The following PPARGC1A variants were observed in gnomAD, a reference collection of about 807,000 sequenced individuals.
PPARGC1A encodes peroxisome proliferator-activated receptor gamma coactivator 1-alpha.
PPARGC1A carries 25 observed loss-of-function variants against 88.7 expected under a neutral mutation model. The observed-to-expected ratio is 0.28, with a 90% CI of 0.21 to 0.39. The LOEUF (loss-of-function observed/expected upper bound fraction) is 0.39. PPARGC1A is among the 10% of genes least tolerant of loss of function. PPARGC1A has a pLI of 1.00. For synonymous variants in PPARGC1A, 363 were observed against 355.6 expected (o/e 1.02, Z -0.24); for missense variants, 880 against 968.7 (o/e 0.91, Z 1.22).
At chr4:24,281,812 G>T in the PPARGC1A span, among the ~76,000 whole-genome samples, 1 of 150,258 alleles carries the variant, frequency 6.7e-6, no homozygotes, top group Non-Finnish European at 1.5e-5. Context: ...ACATAATAAT[G>T]GCTAACATTG....
intron 2 of PPARGC1A, among the ~76,000 whole-genome samples, chr4:23,873,781 C>G (rs1465734675): frequency 6.6e-6 from 1 of 151,498 alleles, no homozygotes; most frequent in Admixed American, 6.6e-5. Flanking sequence ...CACTGATTTG[C>G]ACTACAAGAA....
chr4:23,827,709 T>A lies in PPARGC1A; in HGVS notation c.757+691A>T, dbSNP rs1359713094. ...ATAAAAATCAACCCAGATGTTTAGT[T>A]TAATCTAGGCACTTTCTTAAATAGA... On this transcript the variant is annotated intron_variant, in intron 5 of 12. Transcript: ENST00000264867. Among the ~76,000 whole-genome samples the A allele has an allele frequency of 2.0e-5, 3 of 152,278 alleles. No homozygotes were observed. In the East Asian group the frequency reaches 5.8e-4, roughly 29 times the overall value.
the PPARGC1A span, among the ~76,000 whole-genome samples, chr4:24,069,765 G>A: frequency 1.3e-5 from 2 of 152,214 alleles, no homozygotes; most frequent in Non-Finnish European, 2.9e-5. Flanking sequence ...GAGGGAGGAG[G>A]AATTTGTATG....
At chr4:23,936,595 G>C in the PPARGC1A span, among the ~76,000 whole-genome samples, 1 of 152,170 alleles carries the variant, frequency 6.6e-6, no homozygotes, top group South Asian at 2.1e-4. Context: ...AATTCAGCCA[G>C]GCATGGTGGC....
At chr4:24,057,841 G>A in the PPARGC1A span, among the ~76,000 whole-genome samples, 1 of 152,224 alleles carries the variant, frequency 6.6e-6, no homozygotes, top group African/African-American at 2.4e-5. Flanking sequence ...CAGCACTCAG[G>A]GAATTGCTCC....
At chr4:23,942,074 G>A in the PPARGC1A span, among the ~76,000 whole-genome samples, 130 of 150,884 alleles carry the variant, frequency 8.6e-4, no homozygotes, top group African/African-American at 3.1e-3. Flanking sequence ...AAAGATAGTG[G>A]GAAAAAAAAA....
chr4:24,373,956 G>A, the PPARGC1A span, among the ~76,000 whole-genome samples: 2 of 152,158 alleles, frequency 1.3e-5, no homozygotes, highest in Non-Finnish European at 2.9e-5. Flanking sequence ...CTAGCACTGA[G>A]CACAGACACA....
the PPARGC1A span, among the ~76,000 whole-genome samples, chr4:24,306,694 T>C: frequency 9.4e-4 from 143 of 152,328 alleles, no homozygotes; most frequent in African/African-American, 3.1e-3. Context: ...CAAATGACCA[T>C]GGCAGCATGG....
At chr4:24,015,264 T>A in the PPARGC1A span, among the ~76,000 whole-genome samples, 3 of 152,174 alleles carry the variant, frequency 2.0e-5, no homozygotes, top group South Asian at 6.2e-4. Context: ...TAGGTATAGA[T>A]GAGATAGAGA....
chr4:24,001,064 A>T, the PPARGC1A span, among the ~76,000 whole-genome samples: 1 of 152,336 alleles, frequency 6.6e-6, no homozygotes, highest in East Asian at 1.9e-4. Context: ...TCAATACTTT[A>T]AAAAATGGCA....
At chr4:24,188,641 A>C in the PPARGC1A span, among the ~76,000 whole-genome samples, 1 of 152,128 alleles carries the variant, frequency 6.6e-6, no homozygotes, top group Non-Finnish European at 1.5e-5. Context: ...AGAAACTGAA[A>C]ATAACAAGTG....
the PPARGC1A span, among the ~76,000 whole-genome samples, chr4:24,081,467 G>C: frequency 6.6e-6 from 1 of 152,082 alleles, no homozygotes; most frequent in Non-Finnish European, 1.5e-5. Flanking sequence ...GCATATCCCA[G>C]GCTTACTGGC....
At chr4:24,057,593 T>C in the PPARGC1A span, among the ~76,000 whole-genome samples, 1 of 152,168 alleles carries the variant, frequency 6.6e-6, no homozygotes, top group Non-Finnish European at 1.5e-5. Flanking sequence ...ACCATTGGCA[T>C]AGACGGCAGG....
the PPARGC1A span, among the ~76,000 whole-genome samples, chr4:24,142,604 G>A: frequency 2.6e-5 from 4 of 152,046 alleles, no homozygotes; most frequent in African/African-American, 9.7e-5. Context: ...AACCCAGGAG[G>A]TGGAGGTTGT....
the PPARGC1A span, among the ~76,000 whole-genome samples, chr4:23,978,688 T>C: frequency 2.6e-5 from 4 of 152,136 alleles, no homozygotes; most frequent in Admixed American, 1.3e-4. Flanking sequence ...ACAGCTAAGA[T>C]ACATTCTAAA....
chr4:24,049,290 G>C, the PPARGC1A span, among the ~76,000 whole-genome samples: 1 of 97,926 alleles, frequency 1.0e-5, no homozygotes, highest in Non-Finnish European at 2.2e-5. Flanking sequence ...ATATATATGT[G>C]TGTATATATA....
the PPARGC1A span, among the ~76,000 whole-genome samples, chr4:23,957,083 C>G: frequency 6.6e-6 from 1 of 152,100 alleles, no homozygotes; most frequent in Non-Finnish European, 1.5e-5. Context: ...ACTCCTTTCC[C>G]AAGTTCACAT....
At chr4:24,136,256 T>C in the PPARGC1A span, among the ~76,000 whole-genome samples, 3 of 152,190 alleles carry the variant, frequency 2.0e-5, no homozygotes, top group Non-Finnish European at 4.4e-5. Flanking sequence ...ACTTGGGCTA[T>C]AAAGAGATCA....
At chr4:23,832,789 T>C (rs1725278070) in intron 2 of PPARGC1A, among the ~76,000 whole-genome samples, 1 of 151,894 alleles carries the variant, frequency 6.6e-6, no homozygotes, top group Non-Finnish European at 1.5e-5. Context: ...TTTTTGTATT[T>C]TTAGTGAAGA....
Sources: allele counts gnomAD v4.1 joint callset (sites outside exome capture counted in the v4.1 genomes callset), GRCh38; gene constraint gnomAD v4.1.1; transcripts MANE v1.5; gene names NCBI Gene and HGNC (gene_info 2026-07-23, HGNC 2026-07-21).